Variants in RGS3 observed in about 807,000 individuals in gnomAD.
RGS3 encodes the protein regulator of G protein signaling 3.
Under a neutral mutation model 132.6 loss-of-function variants are expected in RGS3, and 80 were observed. That is an observed-to-expected ratio of 0.60 (90% CI 0.50 to 0.73). The LOEUF is 0.73. Ranked by LOEUF, RGS3 falls within the 30% of genes least tolerant of loss-of-function variation. RGS3 has a pLI of 0.00. For synonymous variants in RGS3, 598 were observed against 620.6 expected, an observed-to-expected ratio of 0.96 and a Z score of 0.54; for missense variants, 1,382 against 1,530.8, an observed-to-expected ratio of 0.90 and a Z score of 1.62.
At chr9:113,543,976 A>G (rs1833004719) in intron 19 of RGS3, among the ~76,000 whole-genome samples, 1 of 152,212 alleles carries the variant, frequency 6.6e-6, no homozygotes, top group Non-Finnish European at 1.5e-5. Flanking sequence ...GAGAAGATGA[A>G]ACATGACCTG....
exon 15 of RGS3, chr9:113,514,593 C>T: frequency 6.2e-7 from 1 of 1,614,100 alleles, no homozygotes; most frequent in Non-Finnish European, 8.5e-7. Context: ...GCCACGCACT[C>T]AAGCTATGGC....
At chr9:113,550,012 C>T (rs1441538679) in intron 19 of RGS3, among the ~76,000 whole-genome samples, 1 of 152,178 alleles carries the variant, frequency 6.6e-6, no homozygotes, top group Non-Finnish European at 1.5e-5. Context: ...AAAAAATCCT[C>T]TTAGGTGTAT....
Position 113,580,193 on chromosome 9 carries a change from A to T in RGS3, c.2038-3257A>T, listed in dbSNP as rs369156257. Among the ~76,000 whole-genome samples the T allele has an allele frequency of 7.9e-5, 12 of 152,308 alleles. No individual in the cohort carries two copies. The East Asian group carries it at 1.4e-3, about 17-fold the overall frequency. The stretch of plus-strand genomic sequence containing the variant: ...GTTCGCCAGCATCTGCTGATGTGGG[A>T]TGCACCCAGGTGCGGGGCCTCAGGC... On this transcript the variant is annotated intron_variant, in intron 19 of 24. Transcript: ENST00000350696.
At chr9:113,562,476 C>CAA (rs1184135248) in intron 19 of RGS3, among the ~76,000 whole-genome samples, 9,171 of 68,342 alleles carry the variant, frequency 0.13, 409 homozygotes, top group Non-Finnish European at 0.16. Context: ...GACTCTGTCT[C>CAA]AAAAAAAAAA....
chr9:113,584,224 C>T lies in RGS3; in HGVS notation c.2812C>T (p.Arg938Trp), dbSNP rs140611815. Residue 938 changes from arginine to tryptophan, a missense_variant, in exon 20 of 25, where the codon CGG (arginine) becomes TGG (tryptophan). Arg to Trp is a moderately radical substitution (Grantham distance 101, BLOSUM62 -3). Coordinates refer to ENST00000350696, the Ensembl canonical transcript of RGS3. The stretch of plus-strand genomic sequence containing the variant: ...CTCACTGCGTGTGCAGAACTCGCTG[C>T]GGCGCCGGACGCACAGCGAGGGCAG... 37 of 1,610,056 alleles carry T rather than the reference C, an allele frequency of 2.3e-5. No individual in the cohort carries two copies. The highest frequency in any genetic ancestry group is 2.5e-5 in the Non-Finnish European group (29 of 1,178,564).
intron 16 of RGS3, among the ~76,000 whole-genome samples, chr9:113,517,909 GA>G (rs1313890132): frequency 3.9e-5 from 6 of 152,196 alleles, no homozygotes; most frequent in African/African-American, 1.4e-4. Context: ...GAGCAGAAGA[GA>G]TGGCAATTTA....
At chr9:113,455,187 C>T (rs1026654969) in intron 1 of RGS3, among the ~76,000 whole-genome samples, 7 of 152,184 alleles carry the variant, frequency 4.6e-5, no homozygotes, top group African/African-American at 7.2e-5. Context: ...CACTGTCCTT[C>T]GTTGCCTGAT....
intron 23 of RGS3, 93 bp downstream of exon 21, chr9:113,595,073 G>C (rs746104923): frequency 8.3e-7 from 1 of 1,211,540 alleles, no homozygotes; most frequent in Non-Finnish European, 1.2e-6. Flanking sequence ...TAGAGAGGCC[G>C]CCTTCCCTCT....
intron 3 of RGS3, among the ~76,000 whole-genome samples, chr9:113,472,908 G>A (rs972485273): frequency 6.6e-6 from 1 of 152,024 alleles, no homozygotes; most frequent in Non-Finnish European, 1.5e-5. Context: ...GGTGTGGGTG[G>A]TGCATGCCTG....
intron 19 of RGS3, among the ~76,000 whole-genome samples, chr9:113,556,977 C>T (rs983160666): frequency 7.2e-5 from 11 of 152,294 alleles, no homozygotes; most frequent in Admixed American, 4.6e-4. Flanking sequence ...ACAGCAGCTG[C>T]GATGACTCTT....
At chr9:113,526,049 CG>C (rs1832187428) in intron 17 of RGS3, among the ~76,000 whole-genome samples, 1 of 152,210 alleles carries the variant, frequency 6.6e-6, no homozygotes, top group Non-Finnish European at 1.5e-5. Context: ...TCCGGTCAGC[CG>C]GGGCCCATTG....
At chr9:113,562,694 C>T (rs1253480606) in intron 19 of RGS3, among the ~76,000 whole-genome samples, 1 of 152,156 alleles carries the variant, frequency 6.6e-6, no homozygotes, top group Non-Finnish European at 1.5e-5. Context: ...TCTTACCACT[C>T]TCTAGATCCC....
intron 9 of RGS3, among the ~76,000 whole-genome samples, chr9:113,497,758 C>T (rs1830734009): frequency 6.6e-6 from 1 of 152,190 alleles, no homozygotes; most frequent in South Asian, 2.1e-4. Context: ...CCCACCTCTA[C>T]AGACAGGGCG....
intron 19 of RGS3, among the ~76,000 whole-genome samples, chr9:113,547,623 C>T (rs1833171353): frequency 6.6e-6 from 1 of 152,334 alleles, no homozygotes; most frequent in Non-Finnish European, 1.5e-5. Flanking sequence ...TGGCACCAAC[C>T]TAATATGTAT....
intron 21 of RGS3, chr9:113,593,899 CA>C: frequency 6.3e-7 from 1 of 1,584,072 alleles, no homozygotes; most frequent in South Asian, 1.1e-5. Flanking sequence ...CCCCACCCCC[CA>C]CCACTGTCTC....
chr9:113,495,960 C>T, intron 8 of RGS3, 114 bp downstream of exon 6: 2 of 921,866 alleles, frequency 2.2e-6, no homozygotes, highest in Non-Finnish European at 3.6e-6. Context: ...TGGTGCCCCA[C>T]TGAGACAGGT....
chr9:113,529,158 G>C, intron 17 of RGS3, 63 bp from the exon 16 acceptor site: 1 of 1,308,512 alleles, frequency 7.6e-7, no homozygotes, highest in African/African-American at 1.4e-5. Flanking sequence ...GACTGTGCTG[G>C]AGCAAACTGC....
intron 16 of RGS3, among the ~76,000 whole-genome samples, chr9:113,519,965 A>T (rs1831859490): frequency 6.6e-6 from 1 of 152,088 alleles, no homozygotes; most frequent in Admixed American, 6.5e-5. Context: ...CTCCCTTTAC[A>T]CACTGACTCA....
intron 7 of RGS3, among the ~76,000 whole-genome samples, chr9:113,490,703 T>TAATATATAATA (rs1386364821): frequency 7.0e-6 from 1 of 143,480 alleles, no homozygotes; most frequent in Non-Finnish European, 1.5e-5. Flanking sequence ...TTATATTATA[T>TAATATATAATA]TTTATATTGG....
Sources: gnomAD v4.1 joint callset for allele counts (sites outside exome capture counted in the v4.1 genomes callset) on GRCh38, gnomAD v4.1.1 for gene constraint, MANE v1.5 for transcripts, NCBI Gene and HGNC (gene_info 2026-07-23, HGNC 2026-07-21) for gene names.